Variants in THRB observed in about 807,000 individuals in gnomAD.
The protein encoded by THRB is nuclear receptor subfamily 1 group A member 2.
A neutral mutation model predicts 47.8 loss-of-function variants in THRB; 12 were observed. That is an observed-to-expected ratio of 0.25 (90% CI 0.16 to 0.41). The LOEUF (loss-of-function observed/expected upper bound fraction) is 0.41, where lower values mean the gene tolerates loss of function less well. Ranked by LOEUF, THRB falls within the 10% of genes least tolerant of loss-of-function variation. THRB has a pLI of 1.00. For missense variants in THRB, 348 were observed against 589.2 expected (o/e 0.59, Z 4.24); for synonymous variants, 218 against 212.2 (o/e 1.03, Z -0.24).
At chr3:24,453,556 G>A (rs776734106) in intron 1 of THRB, among the ~76,000 whole-genome samples, 6 of 152,168 alleles carry the variant, frequency 3.9e-5, no homozygotes, top group South Asian at 2.1e-4. Context: ...CCAAGTGGTC[G>A]TCTTGGTTCT....
At chr3:24,466,528 T>C (rs948327030) in intron 1 of THRB, among the ~76,000 whole-genome samples, 1 of 152,146 alleles carries the variant, frequency 6.6e-6, no homozygotes, top group East Asian at 1.9e-4. Flanking sequence ...TGCACACATT[T>C]ATCTAATTCT....
intron 4 of THRB, among the ~76,000 whole-genome samples, chr3:24,209,513 C>T (rs1009922486): frequency 3.3e-5 from 5 of 152,160 alleles, no homozygotes; most frequent in African/African-American, 1.2e-4. Context: ...AGGATAAGTT[C>T]ATGTCCTTTG....
chr3:24,367,442 G>A (rs1334938028), intron 1 of THRB, among the ~76,000 whole-genome samples: 1 of 152,100 alleles, frequency 6.6e-6, no homozygotes, highest in Non-Finnish European at 1.5e-5. Context: ...AATTCCTTAG[G>A]CTTATTTCCT....
chr3:24,457,933 C>A (rs2073341806), intron 1 of THRB: 1 of 152,106 alleles, frequency 6.6e-6, no homozygotes, highest in Non-Finnish European at 1.5e-5. Context: ...TCAGTAACTG[C>A]TTTAGTGATT....
intron 8 of THRB, among the ~76,000 whole-genome samples, chr3:24,139,974 A>C (rs541556110): frequency 1.5e-4 from 23 of 148,826 alleles, no homozygotes; most frequent in Admixed American, 1.4e-3. Context: ...GGGTGTTAGC[A>C]CACAGGAGAG....
Position 24,179,605 on chromosome 3 carries a change from C to T in THRB, c.283+10469G>A, listed in dbSNP as rs181701906. 1.3e-4 allele frequency among the ~76,000 whole-genome samples: 20 copies of T among 152,210 alleles called. No individual in the cohort carries two copies. The East Asian group carries it at 3.3e-3, about 25-fold the overall frequency. On this transcript the variant is annotated intron_variant, in intron 5 of 10. Transcript: ENST00000646209. ...TGCCTGAGGAGCTCTTCCAAGAAAA[C>T]GTACAATTTACTCAACCTTGAAGAC...
intron 4 of THRB, among the ~76,000 whole-genome samples, chr3:24,193,481 T>C (rs2043594366): frequency 6.6e-6 from 1 of 152,234 alleles, no homozygotes; most frequent in African/African-American, 2.4e-5. Context: ...AGCGTGTAGT[T>C]TCTTCAGACT....
intron 1 of THRB, among the ~76,000 whole-genome samples, chr3:24,452,480 C>G (rs145861463): frequency 6.6e-6 from 1 of 152,144 alleles, no homozygotes; most frequent in East Asian, 1.9e-4. Flanking sequence ...TCCAAGTCAT[C>G]CAAGAAAATC....
At chr3:24,408,527 G>A (rs1393421578) in intron 1 of THRB, among the ~76,000 whole-genome samples, 1 of 151,860 alleles carries the variant, frequency 6.6e-6, no homozygotes, top group African/African-American at 2.4e-5. Flanking sequence ...GCACGTGCAT[G>A]AGCATGTGTG....
chr3:24,141,330 T>C (rs972632179), intron 8 of THRB, among the ~76,000 whole-genome samples: 5 of 152,306 alleles, frequency 3.3e-5, no homozygotes, highest in South Asian at 4.2e-4. Context: ...ACGAAGATAT[T>C]TGATTATATT....
rs2031031917 is a variant in THRB at position 24,118,412 on chromosome 3, C to T, written c.*4472G>A. 4 of 152,588 alleles carry T rather than the reference C, an allele frequency of 2.6e-5. No homozygotes were observed. The highest frequency in any genetic ancestry group is 7.2e-5 in the African/African-American group (3 of 41,444). The allele number at this position is 152,588 out of a possible 1,614,324, so 9.5% of individuals were successfully genotyped here. A position where few individuals can be genotyped will look rare whatever the true frequency, so the allele number is the denominator to read the frequency against. On this transcript the variant is annotated 3_prime_UTR_variant, in exon 11 of 11. Coordinates refer to ENST00000646209, the MANE Select transcript of THRB (RefSeq NM_001354712.2). ...GAGTTTTAGGCTGAAAAAAATATCA[C>T]CATCTAGCAATATCACTTAACACTG...
intron 1 of THRB, among the ~76,000 whole-genome samples, chr3:24,447,333 C>T (rs2072196261): frequency 6.6e-6 from 1 of 152,104 alleles, no homozygotes; most frequent in South Asian, 2.1e-4. Context: ...CTAGGCTTAG[C>T]CATTTAAAAA....
intron 1 of THRB, among the ~76,000 whole-genome samples, chr3:24,408,723 C>T (rs912936821): frequency 1.3e-5 from 2 of 151,690 alleles, no homozygotes; most frequent in African/African-American, 2.4e-5. Flanking sequence ...TGGCAAAGAC[C>T]TTTACATCAA....
chr3:24,280,312 C>A (rs935280186), intron 3 of THRB, among the ~76,000 whole-genome samples: 4 of 152,164 alleles, frequency 2.6e-5, no homozygotes, highest in Non-Finnish European at 4.4e-5. Context: ...GGGAGGCACA[C>A]CCCAGCAGGG....
intron 2 of THRB, among the ~76,000 whole-genome samples, chr3:24,325,733 T>G (rs554000225): frequency 1.3e-5 from 2 of 152,324 alleles, no homozygotes; most frequent in East Asian, 3.9e-4. Context: ...ATGATCAGTC[T>G]AAATATAACA....
At chr3:24,276,605 G>T (rs905309142) in intron 3 of THRB, among the ~76,000 whole-genome samples, 1 of 152,254 alleles carries the variant, frequency 6.6e-6, no homozygotes, top group Non-Finnish European at 1.5e-5. Flanking sequence ...CATAGTGACT[G>T]TACAGACATG....
At chr3:24,250,286 C>T (rs551455760) in intron 3 of THRB, among the ~76,000 whole-genome samples, 52 of 152,268 alleles carry the variant, frequency 3.4e-4, no homozygotes, top group African/African-American at 1.2e-3. Context: ...TCTCATAGCT[C>T]GCAGGTAGTA....
At chr3:24,218,230 T>G (rs964137205) in intron 4 of THRB, among the ~76,000 whole-genome samples, 2 of 150,694 alleles carry the variant, frequency 1.3e-5, no homozygotes, top group African/African-American at 4.9e-5. Flanking sequence ...ATTGCGCCAC[T>G]GCACTCCAGC....
chr3:24,366,124 A>T (rs2064437999), intron 1 of THRB, among the ~76,000 whole-genome samples: 2 of 152,208 alleles, frequency 1.3e-5, no homozygotes, highest in Non-Finnish European at 2.9e-5. Flanking sequence ...TTTCCAAATT[A>T]AAAAGCAAAT....
Sources: allele counts gnomAD v4.1 joint callset (sites outside exome capture counted in the v4.1 genomes callset), GRCh38; gene constraint gnomAD v4.1.1; transcripts MANE v1.5; gene names NCBI Gene and HGNC (gene_info 2026-07-23, HGNC 2026-07-21).